Variants in GLIS3 observed in about 807,000 individuals in gnomAD.
GLIS3 encodes the protein GLIS family zinc finger 3, also known as zinc finger protein GLIS3.
GLIS3 carries 53 observed loss-of-function variants against 78.6 expected under a neutral mutation model. The ratio of observed to expected loss-of-function variants is 0.67; its 90% CI spans 0.54 to 0.85. The LOEUF is 0.85. Ranked by LOEUF, GLIS3 falls within the 40% of genes least tolerant of loss-of-function variation. The probability of loss-of-function intolerance (pLI) is 0.00; values close to 1 mark genes in which losing one functional copy is unlikely to be tolerated. For synonymous variants in GLIS3, 684 were observed against 509.9 expected (o/e 1.34, Z -4.60); for missense variants, 1,703 against 1,231.1 (o/e 1.38, Z -5.74).
chr9:4,359,426 C>T, the GLIS3 span, among the ~76,000 whole-genome samples: 2 of 152,200 alleles, frequency 1.3e-5, no homozygotes, highest in South Asian at 4.1e-4. Context: ...CTTCTGCATG[C>T]TATTTCTACT....
At chr9:3,873,514 A>G (rs1398355137) in intron 8 of GLIS3, among the ~76,000 whole-genome samples, 1 of 152,214 alleles carries the variant, frequency 6.6e-6, no homozygotes, top group Non-Finnish European at 1.5e-5. Context: ...ATGTCTGGTA[A>G]CAGAATAAGG....
At chr9:4,326,553 G>T (rs936486724) in intron 2 of GLIS3, among the ~76,000 whole-genome samples, 2 of 142,748 alleles carry the variant, frequency 1.4e-5, no homozygotes, top group Non-Finnish European at 1.6e-5. Flanking sequence ...GAGGAATGGG[G>T]GTTATTTTTT....
intron 2 of GLIS3, among the ~76,000 whole-genome samples, chr9:4,268,225 A>C (rs890824315): frequency 1.3e-5 from 2 of 148,434 alleles, no homozygotes; most frequent in Non-Finnish European, 3.0e-5. Context: ...AACAGGAGTC[A>C]TAATAACAAC....
intron 4 of GLIS3, among the ~76,000 whole-genome samples, chr9:4,116,598 C>T (rs1205027503): frequency 6.6e-6 from 1 of 152,120 alleles, no homozygotes; most frequent in Non-Finnish European, 1.5e-5. Context: ...GTTTGGTTTG[C>T]TTTTACATGA....
intron 4 of GLIS3, chr9:4,308,752 G>C (rs1817290614): frequency 6.6e-6 from 1 of 152,292 alleles, no homozygotes; most frequent in African/African-American, 2.4e-5. Flanking sequence ...TTGTCATAAA[G>C]CCCTCTTTGA....
chr9:4,304,718 A>G (rs972513960), upstream of GLIS3, among the ~76,000 whole-genome samples: 1 of 152,190 alleles, frequency 6.6e-6, no homozygotes, highest in African/African-American at 2.4e-5. Flanking sequence ...GGCAGAATTA[A>G]GCTCTGGAAC....
the GLIS3 span, among the ~76,000 whole-genome samples, chr9:4,382,939 A>G: frequency 1.3e-5 from 2 of 152,212 alleles, no homozygotes; most frequent in African/African-American, 4.8e-5. Flanking sequence ...CATCTCACAA[A>G]GCAAAATTTG....
intron 8 of GLIS3, among the ~76,000 whole-genome samples, chr9:3,865,548 G>C (rs1588115466): frequency 1.3e-5 from 2 of 152,180 alleles, no homozygotes; most frequent in South Asian, 2.1e-4. Flanking sequence ...ATACTAACAA[G>C]TTGGAATAAT....
At chr9:3,936,408 C>A (rs150806146) in intron 5 of GLIS3, among the ~76,000 whole-genome samples, 1 of 152,110 alleles carries the variant, frequency 6.6e-6, no homozygotes, top group Non-Finnish European at 1.5e-5. Context: ...ATCAATTGTT[C>A]TCATAGGGTT....
intron 4 of GLIS3, among the ~76,000 whole-genome samples, chr9:4,018,742 T>C (rs1275054918): frequency 1.3e-5 from 2 of 152,176 alleles, no homozygotes; most frequent in Non-Finnish European, 2.9e-5. Context: ...TATACACACT[T>C]GGAAAAAGAA....
chr9:4,068,382 T>C (rs1005320793), intron 4 of GLIS3, among the ~76,000 whole-genome samples: 2 of 152,092 alleles, frequency 1.3e-5, no homozygotes, highest in Non-Finnish European at 2.9e-5. Context: ...AAATATTTAA[T>C]TAGAAAATTA....
intron 4 of GLIS3, among the ~76,000 whole-genome samples, chr9:4,092,006 G>T (rs888880037): frequency 6.6e-6 from 1 of 152,148 alleles, no homozygotes; most frequent in Non-Finnish European, 1.5e-5. Context: ...TGTTCTGGGT[G>T]AGTGAGTGCT....
intron 2 of GLIS3, among the ~76,000 whole-genome samples, chr9:4,279,405 G>GT (rs34676336): frequency 0.024 from 3,242 of 136,248 alleles, 106 homozygotes; most frequent in African/African-American, 0.074. Flanking sequence ...ATATATCAGC[G>GT]TTTTTTTTAA....
chr9:3,834,987 A>G (rs1439379974), intron 9 of GLIS3, among the ~76,000 whole-genome samples: 1 of 152,142 alleles, frequency 6.6e-6, no homozygotes, highest in East Asian at 1.9e-4. Context: ...GTGGGTCTCC[A>G]TTTATCCTAC....
chr9:4,278,181 T>C (rs1045532295), intron 2 of GLIS3, among the ~76,000 whole-genome samples: 6 of 152,182 alleles, frequency 3.9e-5, no homozygotes, highest in African/African-American at 1.4e-4. Flanking sequence ...CTCAGTAATG[T>C]TGTATTTTAA....
the GLIS3 span, among the ~76,000 whole-genome samples, chr9:4,458,714 C>T: frequency 6.6e-6 from 1 of 152,176 alleles, no homozygotes; most frequent in Non-Finnish European, 1.5e-5. Context: ...AGGAGAATTG[C>T]TTGAACCCGG....
chr9:3,959,474 A>C (rs929199719), intron 4 of GLIS3, among the ~76,000 whole-genome samples: 1 of 152,194 alleles, frequency 6.6e-6, no homozygotes, highest in Admixed American at 6.5e-5. Context: ...TCTGACTAGA[A>C]TGCTCCACTG....
At chr9:4,389,127 G>A in the GLIS3 span, among the ~76,000 whole-genome samples, 13 of 152,212 alleles carry the variant, frequency 8.5e-5, no homozygotes, top group Non-Finnish European at 1.9e-4. Flanking sequence ...CATGTTTGAT[G>A]TGCATTAACT....
the GLIS3 span, among the ~76,000 whole-genome samples, chr9:4,382,549 T>A: frequency 5.1e-4 from 78 of 152,288 alleles, no homozygotes; most frequent in Non-Finnish European, 7.9e-4. Context: ...TTCTCTGACT[T>A]CTAGAGTATT....
Sources: gnomAD v4.1 joint callset for allele counts (sites outside exome capture counted in the v4.1 genomes callset) on GRCh38, gnomAD v4.1.1 for gene constraint, MANE v1.5 for transcripts, NCBI Gene and HGNC (gene_info 2026-07-23, HGNC 2026-07-21) for gene names.